The following AGO3 variants were observed in gnomAD, a reference collection of about 807,000 sequenced individuals.
AGO3 encodes protein argonaute-3.
In AGO3, 16 loss-of-function variants were observed where a neutral mutation model predicts 105.5. The observed-to-expected ratio is 0.15, with a 90% CI of 0.10 to 0.23. The LOEUF is 0.23. Among genes scored for constraint, AGO3 ranks in the 10% least tolerant of loss-of-function variants. The pLI, the probability that AGO3 is intolerant of heterozygous loss-of-function variation, is 1.00. For missense variants in AGO3, 534 were observed against 1,088.0 expected (o/e 0.49, Z 7.16); for synonymous variants, 340 against 367.3 (o/e 0.93, Z 0.85).
rs563351368 is a variant in AGO3 at position 36,057,483 on chromosome 1, G to C, written c.*1738G>C. On this transcript the variant is annotated 3_prime_UTR_variant, in exon 19 of 19. Coordinates refer to ENST00000373191, the MANE Select transcript of AGO3 (RefSeq NM_024852.4). ...GCATCTTTTATAGAAATATAATCAT[G>C]TTTATTTTAAGAACTGACAACTTGT... The C allele has an allele frequency of 6.6e-6, 1 of 152,096 alleles. No individual in the cohort carries two copies. The highest frequency in any genetic ancestry group is 1.5e-5 in the Non-Finnish European group (1 of 68,006). 9.4% of individuals were successfully genotyped at this position (152,096 alleles called of 1,614,324 possible).
In AGO3 at chr1:36,071,791, G is replaced by C. The variant is rs189143799; in HGVS notation, c.*16046G>C. The C allele has an allele frequency of 3.0e-4, 45 of 152,302 alleles. No individual in the cohort carries two copies. In the East Asian group the frequency reaches 5.6e-3, roughly 19 times the overall value. The allele number at this position is 152,302 out of a possible 1,614,324, so 9.4% of individuals were successfully genotyped here. On this transcript the variant is annotated 3_prime_UTR_variant, in exon 19 of 19. Transcript: ENST00000373191. ...AAGTCTGTAATATGCTGTAGGACCA[G>C]ATAAGATTTTGAATGAGACTAAACT...
Position 36,023,552 on chromosome 1 carries a change from A to T in AGO3, c.1407-3562A>T, listed in dbSNP as rs369633082. 2.4e-4 allele frequency among the ~76,000 whole-genome samples: 37 copies of T among 152,340 alleles called. 1 individual carries two copies. The highest frequency in any genetic ancestry group is 6.8e-3 in the Middle Eastern group (2 of 294). On this transcript the variant is annotated intron_variant, in intron 11 of 18. Transcript: ENST00000373191. ...CAGAAAATGAAACTGAAGTACAGAA[A>T]CAGCTGGATTGCTTACAGCTTGATA...
At chr1:36,015,534 C>G (rs920405744) in intron 11 of AGO3, among the ~76,000 whole-genome samples, 2 of 152,220 alleles carry the variant, frequency 1.3e-5, no homozygotes, top group African/African-American at 4.8e-5. Context: ...CCTTGCCTTT[C>G]TGGTGACCAG....
intron 9 of AGO3, among the ~76,000 whole-genome samples, chr1:36,010,838 G>A (rs1421534520): frequency 6.6e-6 from 1 of 150,512 alleles, no homozygotes; most frequent in South Asian, 2.1e-4. Context: ...CCCGGGAGGC[G>A]CAGGTTGCGG....
chr1:35,969,154 T>G (rs1646823704), intron 3 of AGO3, among the ~76,000 whole-genome samples: 1 of 151,792 alleles, frequency 6.6e-6, no homozygotes, highest in Non-Finnish European at 1.5e-5. Flanking sequence ...GATTTTTTAT[T>G]TTTTTTAGCT....
chr1:36,040,003 C>T lies in AGO3; in HGVS notation c.2037+19C>T, dbSNP rs763590263. The stretch of plus-strand genomic sequence containing the variant: ...TAGGCAGGTTGGTTACCTAGAATCT[C>T]ATCAGACTATGGTGAAATCAGATAT... On this transcript the variant is annotated intron_variant, in intron 15 of 18. Transcript: ENST00000373191. 8 of 1,593,956 alleles carry T rather than the reference C, an allele frequency of 5.0e-6. No homozygotes were observed. Among genetic ancestry groups the T allele is most frequent in the Admixed American group, 1.7e-5 (1 of 58,500 alleles).
At chr1:35,965,761 A>G (rs552211980) in intron 2 of AGO3, among the ~76,000 whole-genome samples, 21 of 146,614 alleles carry the variant, frequency 1.4e-4, no homozygotes, top group African/African-American at 5.3e-4. Flanking sequence ...TGATGTTTTT[A>G]TTGTTCCAGA....
At chr1:35,931,073 G>A (rs1417555711), upstream of AGO3, 1 of 389,574 alleles carries the variant, frequency 2.6e-6, no homozygotes, top group East Asian at 3.7e-5. Flanking sequence ...CAGCGGAACT[G>A]ACGCCGGCGA....
At chr1:35,998,673 C>A (rs1166172893) in intron 5 of AGO3, among the ~76,000 whole-genome samples, 1 of 152,002 alleles carries the variant, frequency 6.6e-6, no homozygotes, top group Non-Finnish European at 1.5e-5. Flanking sequence ...ATGTCCTTTG[C>A]CACTTTTTAT....
Position 35,931,170 on chromosome 1 carries a change from A to C in AGO3, c.-257A>C. ...GAGCGTCGGCGGCCGCGGGCGATGC[A>C]ACTTCCGGACGGGACTCCCCTCTGT... is the stretch of plus-strand genomic sequence containing the variant. On this transcript the variant is annotated 5_prime_UTR_variant, in exon 1 of 19. Coordinates refer to ENST00000373191, the MANE Select transcript of AGO3 (RefSeq NM_024852.4). 2.5e-6 allele frequency: 1 copy of C among 395,790 alleles called. No individual in the cohort carries two copies. Among genetic ancestry groups the C allele is most frequent in the South Asian group, 1.2e-4 (1 of 8,104 alleles). The allele number at this position is 395,790 out of a possible 1,614,324, so 24.5% of individuals were successfully genotyped here.
chr1:35,982,576 A>G, intron 5 of AGO3: 1 of 713,224 alleles, frequency 1.4e-6, no homozygotes, highest in Non-Finnish European at 2.6e-6. Flanking sequence ...GGATACTTCA[A>G]AGGTTTTTAA....
chr1:35,941,630 T>A (rs1357119168), intron 1 of AGO3, among the ~76,000 whole-genome samples: 1 of 152,206 alleles, frequency 6.6e-6, no homozygotes, highest in African/African-American at 2.4e-5. Context: ...ATTTCAGTTT[T>A]CCTCATCTGT....
chr1:35,951,274 T>A (rs1298076967), intron 2 of AGO3, among the ~76,000 whole-genome samples: 4 of 152,212 alleles, frequency 2.6e-5, no homozygotes, highest in African/African-American at 4.8e-5. Context: ...TTTGGCTCAG[T>A]TTTCTTTTAC....
chr1:35,983,886 A>G (rs1647107762), intron 5 of AGO3, among the ~76,000 whole-genome samples: 1 of 152,336 alleles, frequency 6.6e-6, no homozygotes, highest in South Asian at 2.1e-4. Context: ...GAACATATAG[A>G]TAGACATATC....
chr1:36,007,620 C>T (rs532434768), intron 6 of AGO3, among the ~76,000 whole-genome samples: 23 of 151,906 alleles, frequency 1.5e-4, no homozygotes, highest in Non-Finnish European at 2.9e-4. Flanking sequence ...CACATTAACC[C>T]TGGAGACAGA....
At chr1:36,039,552 G>A (rs901472835) in intron 14 of AGO3, among the ~76,000 whole-genome samples, 1 of 147,464 alleles carries the variant, frequency 6.8e-6, no homozygotes, top group Non-Finnish European at 1.5e-5. Flanking sequence ...TTGCTATTTT[G>A]CCCAGGCTGG....
intron 2 of AGO3, among the ~76,000 whole-genome samples, chr1:35,951,147 C>G (rs1034312672): frequency 2.7e-4 from 41 of 152,248 alleles, no homozygotes; most frequent in African/African-American, 8.7e-4. Context: ...GTCGGGGTTT[C>G]GCCATGTTGA....
chr1:36,013,488 T>C lies in AGO3; in HGVS notation c.1150-142T>C. The C allele has an allele frequency of 1.8e-6, 2 of 1,088,350 alleles. 1 individual carries two copies. The highest frequency in any genetic ancestry group is 3.2e-5 in the South Asian group (2 of 63,052). 67.4% of individuals were successfully genotyped at this position (1,088,350 alleles called of 1,614,324 possible). A position where few individuals can be genotyped will look rare whatever the true frequency, so the allele number is the denominator to read the frequency against. On this transcript the variant is annotated intron_variant, in intron 9 of 18. Coordinates refer to ENST00000373191, the MANE Select transcript of AGO3 (RefSeq NM_024852.4). ...ATGGTCCCCAGGTTAAGATTCGCTG[T>C]TCTGTAGTTAGAGCACCATTGATTA...
intron 9 of AGO3, among the ~76,000 whole-genome samples, chr1:36,010,654 TC>T (rs1557683248): frequency 6.8e-6 from 1 of 147,924 alleles, no homozygotes; most frequent in Non-Finnish European, 1.5e-5. Context: ...ATGCCTGTAA[TC>T]CCAGCACTTT....
Sources: allele counts gnomAD v4.1 joint callset (sites outside exome capture counted in the v4.1 genomes callset), GRCh38; gene constraint gnomAD v4.1.1; transcripts MANE v1.5; gene names NCBI Gene and HGNC (gene_info 2026-07-23, HGNC 2026-07-21).